Variants in DENND4C observed in about 807,000 individuals in gnomAD.
The protein encoded by DENND4C is DENN domain-containing protein 4C.
In DENND4C, 108 loss-of-function variants were observed where a neutral mutation model predicts 203.0. That is an observed-to-expected ratio of 0.53 (90% CI 0.46 to 0.62). The LOEUF (loss-of-function observed/expected upper bound fraction) is 0.62. Ranked by LOEUF, DENND4C falls within the 20% of genes least tolerant of loss-of-function variation. DENND4C has a pLI of 0.00. For missense variants in DENND4C, 2,481 were observed against 2,301.2 expected, an observed-to-expected ratio of 1.08 and a Z score of -1.60; for synonymous variants, 871 against 792.4, an observed-to-expected ratio of 1.10 and a Z score of -1.67.
At chr9:19,272,277 A>G (rs763575940) in intron 1 of DENND4C, among the ~76,000 whole-genome samples, 1 of 151,542 alleles carries the variant, frequency 6.6e-6, no homozygotes, top group African/African-American at 2.4e-5. Context: ...AAAATTAGCC[A>G]GGCGTGGTGG....
intron 1 of DENND4C, among the ~76,000 whole-genome samples, chr9:19,266,240 T>C (rs1470055422): frequency 6.6e-6 from 1 of 152,234 alleles, no homozygotes; most frequent in African/African-American, 2.4e-5. Context: ...GTCTGTTGGC[T>C]GCATAAATAT....
chr9:19,243,958 G>C lies in DENND4C; in HGVS notation c.-18+13125G>C, dbSNP rs370928054. On this transcript the variant is annotated intron_variant, in intron 1 of 32. Coordinates refer to ENST00000434457, the MANE Select transcript of DENND4C (RefSeq NM_001330640.2). ...CCTGAGTAGCTGGGACTGTGGGTTTGCACCACCACATCTGGGTAATTTTTA... is the reference window on the plus strand; with the variant it reads ...CCTGAGTAGCTGGGACTGTGGGTTTCCACCACCACATCTGGGTAATTTTTA... Among the ~76,000 whole-genome samples the C allele has an allele frequency of 1.8e-4, 28 of 151,948 alleles. No individual in the cohort carries two copies. In the South Asian group the frequency reaches 3.5e-3, roughly 19 times the overall value.
chr9:19,346,561 A>G lies in DENND4C; in HGVS notation c.3792A>G (p.Lys1264=). 6.2e-7 allele frequency: 1 copy of G among 1,614,104 alleles called. No individual in the cohort carries two copies. The highest frequency in any genetic ancestry group is 1.1e-5 in the South Asian group (1 of 91,074). Residue 1264 remains lysine, a synonymous_variant, in exon 23 of 33, where the codon AAA becomes AAG. Coordinates refer to ENST00000434457, the MANE Select transcript of DENND4C (RefSeq NM_001330640.2). ...SLLATECTGG[K]TPDSEDKLFS... The stretch of plus-strand genomic sequence containing the variant: ...TAGCCACTGAATGTACAGGAGGAAA[A>G]ACTCCTGATTCTGAAGATAAGTTGT...
At position 19,352,635 on chromosome 9, in the gene DENND4C, TAGAATTCAA is replaced by T. The variant is rs1389897375; in HGVS notation, c.4755_4763del (p.Glu1585_Lys1587del). ...AGCAACTTCTTGCCTCTTCTCAATA[TAGAATTCAA>T]AGATTTGAGAGGTTCTGCAAGGTTA... is the stretch of plus-strand genomic sequence containing the variant. On this transcript the variant is annotated inframe_deletion, in exon 26 of 33. Coordinates refer to ENST00000434457, the MANE Select transcript of DENND4C (RefSeq NM_001330640.2). The T allele has an allele frequency of 1.2e-6, 2 of 1,610,224 alleles. No individual in the cohort carries two copies.
intron 28 of DENND4C, among the ~76,000 whole-genome samples, chr9:19,359,346 A>C (rs921486569): frequency 1.3e-5 from 2 of 151,728 alleles, no homozygotes; most frequent in Non-Finnish European, 2.9e-5. Context: ...CTCCCTAATA[A>C]CTGGAACCAC....
Position 19,247,121 on chromosome 9 carries a change from T to A in DENND4C, c.-18+16288T>A, listed in dbSNP as rs570272504. 5.9e-5 allele frequency among the ~76,000 whole-genome samples: 9 copies of A among 152,334 alleles called. No homozygotes were observed. In the South Asian group the frequency reaches 1.7e-3, roughly 28 times the overall value. ...GTTCCTGTTTTATAAAAACTTTACT[T>A]GGTTTTCTGGATGCCATATATTATC... On this transcript the variant is annotated intron_variant, in intron 1 of 32. Coordinates refer to ENST00000434457, the MANE Select transcript of DENND4C (RefSeq NM_001330640.2).
intron 5 of DENND4C, among the ~76,000 whole-genome samples, chr9:19,292,012 T>G (rs1197333665): frequency 2.6e-5 from 4 of 151,702 alleles, no homozygotes; most frequent in African/African-American, 9.7e-5. Context: ...AATAAGTAAA[T>G]AAATAAATAA....
In DENND4C at chr9:19,288,325, C is replaced by G. The variant is rs548393087; in HGVS notation, c.559-271C>G. On this transcript the variant is annotated intron_variant, in intron 3 of 32. Transcript: ENST00000434457. ...ACACTCCGTTTTGTGCTGTGTCTTA[C>G]AAGAAGGGGCAATCTCTGAGTGATT... 2.0e-5 allele frequency among the ~76,000 whole-genome samples: 3 copies of G among 152,306 alleles called. No homozygotes were observed. The East Asian group carries it at 5.8e-4, about 29-fold the overall frequency.
chr9:19,260,581 A>G (rs1474116557), intron 1 of DENND4C, among the ~76,000 whole-genome samples: 2 of 152,102 alleles, frequency 1.3e-5, no homozygotes, highest in Non-Finnish European at 2.9e-5. Flanking sequence ...TATTTTTAGT[A>G]GAGACGGGGT....
chr9:19,254,802 T>C (rs1392915765), intron 1 of DENND4C, among the ~76,000 whole-genome samples: 1 of 152,166 alleles, frequency 6.6e-6, no homozygotes, highest in African/African-American at 2.4e-5. Flanking sequence ...TTGAATGTTA[T>C]ATATATATTT....
intron 2 of DENND4C, among the ~76,000 whole-genome samples, chr9:19,280,768 C>G (rs1297150388): frequency 6.6e-6 from 1 of 151,584 alleles, no homozygotes; most frequent in Non-Finnish European, 1.5e-5. Context: ...GAGACAGTGT[C>G]TCACTGTGGT....
intron 22 of DENND4C, among the ~76,000 whole-genome samples, chr9:19,345,161 G>C (rs956293564): frequency 2.3e-4 from 35 of 152,206 alleles, no homozygotes; most frequent in African/African-American, 8.4e-4. Flanking sequence ...GGAAATAACA[G>C]CTTTTGGTCT....
intron 1 of DENND4C, 116 bp from the exon 2 acceptor site, chr9:19,276,042 G>C (rs1832848071): frequency 6.0e-6 from 3 of 499,848 alleles, no homozygotes; most frequent in Non-Finnish European, 9.4e-6. Flanking sequence ...ATGGCAATTT[G>C]ATTATAAATC....
intron 1 of DENND4C, among the ~76,000 whole-genome samples, chr9:19,231,536 G>C (rs1820556034): frequency 6.6e-6 from 1 of 151,422 alleles, no homozygotes; most frequent in African/African-American, 2.4e-5. Flanking sequence ...TAAGAATGCT[G>C]TCACGTCTTT....
Position 19,291,103 on chromosome 9 carries a change from C to A in DENND4C, c.801+227C>A, listed in dbSNP as rs12379779. ...AAGATAAAGTCTCTCTGGATAGACA[C>A]CTTCAAAACCCAGGTGTCAAGATGA... On this transcript the variant is annotated intron_variant, in intron 5 of 32. Transcript: ENST00000434457. 5.0e-3 allele frequency among the ~76,000 whole-genome samples: 764 copies of A among 152,178 alleles called. 2 individuals carry two copies. Among genetic ancestry groups the A allele is most frequent in the Non-Finnish European group, 8.3e-3 (565 of 68,002 alleles).
At chr9:19,287,779 C>A (rs1338674354) in intron 3 of DENND4C, among the ~76,000 whole-genome samples, 1 of 151,972 alleles carries the variant, frequency 6.6e-6, no homozygotes, top group African/African-American at 2.4e-5. Context: ...GTCGCCCAGG[C>A]TGGAGTGCAG....
chr9:19,263,343 G>GTTTT lies in DENND4C; in HGVS notation c.-17-12812_-17-12809dup, dbSNP rs759100017. On this transcript the variant is annotated intron_variant, in intron 1 of 32. Coordinates refer to ENST00000434457, the MANE Select transcript of DENND4C (RefSeq NM_001330640.2). The stretch of plus-strand genomic sequence containing the variant: ...CGTTGTTGAATTTGGTTTGCTTGTT[G>GTTTT]TTTTTTGTTTGTTTGTTTATTTGTT... Among the ~76,000 whole-genome samples, 27 of 152,014 alleles carry GTTTT rather than the reference G, an allele frequency of 1.8e-4. No individual in the cohort carries two copies. The South Asian group carries it at 5.2e-3, about 29-fold the overall frequency.
At chr9:19,307,662 C>T (rs1474847019) in intron 10 of DENND4C, among the ~76,000 whole-genome samples, 6 of 150,074 alleles carry the variant, frequency 4.0e-5, no homozygotes, top group African/African-American at 7.4e-5. Context: ...CCCAACTACT[C>T]GGGAGTCTGA....
chr9:19,298,240 T>C, intron 7 of DENND4C, 118 bp downstream of exon 7: 1 of 824,356 alleles, frequency 1.2e-6, no homozygotes. Flanking sequence ...ATAAAGTCCT[T>C]GGATTTTCTG....
Sources: gnomAD v4.1 joint callset for allele counts (sites outside exome capture counted in the v4.1 genomes callset) on GRCh38, gnomAD v4.1.1 for gene constraint, MANE v1.5 for transcripts, NCBI Gene and HGNC (gene_info 2026-07-23, HGNC 2026-07-21) for gene names.